The following MYT1L variants were observed in gnomAD, a reference collection of about 807,000 sequenced individuals.
MYT1L encodes the protein myelin transcription factor 1 like, also known as myelin transcription factor 1-like protein.
A neutral mutation model predicts 126.7 loss-of-function variants in MYT1L; 12 were observed. The observed-to-expected ratio is 0.09, with a 90% confidence interval of 0.06 to 0.15. The LOEUF (loss-of-function observed/expected upper bound fraction) is 0.15, where lower values mean the gene tolerates loss of function less well. MYT1L is among the 10% of genes least tolerant of loss of function. The pLI, the probability that MYT1L is intolerant of heterozygous loss-of-function variation, is 1.00. For synonymous variants in MYT1L, 541 were observed against 604.2 expected, an observed-to-expected ratio of 0.90 and a Z score of 1.53; for missense variants, 979 against 1,585.2, an observed-to-expected ratio of 0.62 and a Z score of 6.49.
chr2:2,015,495 G>T (rs1453172618), intron 4 of MYT1L, among the ~76,000 whole-genome samples: 2 of 152,174 alleles, frequency 1.3e-5, no homozygotes, highest in African/African-American at 4.8e-5. Context: ...TGTGAAACAG[G>T]ATCCTAAAAG....
At chr2:2,264,135 C>T (rs1559495273) in intron 2 of MYT1L, among the ~76,000 whole-genome samples, 1 of 152,132 alleles carries the variant, frequency 6.6e-6, no homozygotes, top group East Asian at 1.9e-4. Context: ...AGCCCAAGTT[C>T]CTTCCAGCAC....
intron 19 of MYT1L, chr2:1,842,430 G>T (rs1261301451): frequency 6.6e-6 from 1 of 152,312 alleles, no homozygotes; most frequent in African/African-American, 2.4e-5. Flanking sequence ...AGCCAGCGGG[G>T]AATCCTCCTG....
chr2:1,839,415 C>T lies in MYT1L; in HGVS notation c.2859-45G>A, dbSNP rs757246743. 1.2e-4 allele frequency: 188 copies of T among 1,533,762 alleles called. 1 individual carries two copies. The highest frequency in any genetic ancestry group is 1.6e-4 in the Non-Finnish European group (180 of 1,117,704). On this transcript the variant is annotated intron_variant, in intron 20 of 24. Transcript: ENST00000647738. ...ACACACTTTATTGTCTGGCCACCGT[C>T]GCCTGGTGGCTTCTGTAACAAAGTC...
chr2:1,856,539 G>A lies in MYT1L; in HGVS notation c.2712-4836C>T, dbSNP rs1410449977. Among the ~76,000 whole-genome samples, 11 of 152,158 alleles carry A rather than the reference G, an allele frequency of 7.2e-5. No homozygotes were observed. The East Asian group carries it at 1.3e-3, about 19-fold the overall frequency. On this transcript the variant is annotated intron_variant, in intron 18 of 24. Coordinates refer to ENST00000647738, the MANE Select transcript of MYT1L (RefSeq NM_001303052.2). ...CCAGGACATAAACCCATTGCTGTGCGGATTCCCTCCCATTTACAAAACCAT... is the reference window on the plus strand; with the variant it reads ...CCAGGACATAAACCCATTGCTGTGCAGATTCCCTCCCATTTACAAAACCAT...
chr2:1,895,236 G>C (rs1326973928), intron 14 of MYT1L, among the ~76,000 whole-genome samples: 1 of 152,222 alleles, frequency 6.6e-6, no homozygotes, highest in Non-Finnish European at 1.5e-5. Flanking sequence ...AATGTCTCAT[G>C]TTCATGAATT....
chr2:2,210,830 T>C (rs540449395), intron 2 of MYT1L, among the ~76,000 whole-genome samples: 1 of 152,366 alleles, frequency 6.6e-6, no homozygotes, highest in Admixed American at 6.5e-5. Context: ...TATGGACGTT[T>C]TAACAATATT....
chr2:2,175,700 C>T (rs1205374953), intron 2 of MYT1L, among the ~76,000 whole-genome samples: 1 of 152,226 alleles, frequency 6.6e-6, no homozygotes, highest in Non-Finnish European at 1.5e-5. Context: ...TGCCTCGATA[C>T]TGTCTGAACA....
At chr2:2,032,080 G>A (rs1423244486) in intron 4 of MYT1L, among the ~76,000 whole-genome samples, 1 of 135,262 alleles carries the variant, frequency 7.4e-6, no homozygotes, top group Non-Finnish European at 1.6e-5. Context: ...ATTCTAGAAG[G>A]AGGGCCTTAC....
At chr2:2,045,237 G>A (rs1404453750) in intron 4 of MYT1L, among the ~76,000 whole-genome samples, 1 of 152,234 alleles carries the variant, frequency 6.6e-6, no homozygotes, top group Admixed American at 6.5e-5. Flanking sequence ...CCCATGAAAT[G>A]ACAAGGATAT....
chr2:1,808,818 G>T (rs544486552), intron 22 of MYT1L, among the ~76,000 whole-genome samples: 2 of 152,194 alleles, frequency 1.3e-5, no homozygotes, highest in African/African-American at 4.8e-5. Flanking sequence ...GGAGTAAATC[G>T]TCCAGTGCTG....
intron 18 of MYT1L, among the ~76,000 whole-genome samples, chr2:1,864,671 G>C (rs998111966): frequency 6.6e-6 from 1 of 152,196 alleles, no homozygotes; most frequent in Non-Finnish European, 1.5e-5. Flanking sequence ...TGGGAGGCAC[G>C]GGTGCCCCTC....
chr2:1,946,086 T>C (rs2057191350), intron 8 of MYT1L, among the ~76,000 whole-genome samples: 1 of 152,110 alleles, frequency 6.6e-6, no homozygotes, highest in Non-Finnish European at 1.5e-5. Context: ...CTGCCTCCTG[T>C]CAGATCAGCA....
At chr2:2,284,056 A>G (rs960983444) in intron 2 of MYT1L, among the ~76,000 whole-genome samples, 4 of 152,260 alleles carry the variant, frequency 2.6e-5, no homozygotes, top group Non-Finnish European at 5.9e-5. Context: ...CCACGTAAGT[A>G]TAACAAGAAG....
rs1055120713 is a variant in MYT1L at position 1,930,917 on chromosome 2, C to A, written c.506-7654G>T. ...GGATGTTTGTTTTAACAAAGAAAAGCAGAAATACTACATCTTAGTAACCAT... is the reference window on the plus strand; with the variant it reads ...GGATGTTTGTTTTAACAAAGAAAAGAAGAAATACTACATCTTAGTAACCAT... On this transcript the variant is annotated intron_variant, in intron 9 of 24. Coordinates refer to ENST00000647738, the MANE Select transcript of MYT1L (RefSeq NM_001303052.2). Among the ~76,000 whole-genome samples the A allele has an allele frequency of 2.0e-5, 3 of 152,174 alleles. No homozygotes were observed. In the East Asian group the frequency reaches 5.8e-4, roughly 29 times the overall value.
chr2:2,060,491 T>C (rs2070258500), intron 3 of MYT1L, among the ~76,000 whole-genome samples: 1 of 152,204 alleles, frequency 6.6e-6, no homozygotes, highest in South Asian at 2.1e-4. Flanking sequence ...TGTTTAGTTA[T>C]TTAGACAGAT....
chr2:1,815,494 C>T (rs2037479472), intron 21 of MYT1L, among the ~76,000 whole-genome samples: 1 of 152,234 alleles, frequency 6.6e-6, no homozygotes, highest in African/African-American at 2.4e-5. Context: ...CGGTTCCTGC[C>T]TGGGAAACCA....
intron 21 of MYT1L, among the ~76,000 whole-genome samples, chr2:1,837,343 C>A (rs986078468): frequency 4.6e-5 from 7 of 152,156 alleles, no homozygotes; most frequent in African/African-American, 1.7e-4. Flanking sequence ...AAATTGTTTT[C>A]GTTTGTGTCA....
intron 21 of MYT1L, among the ~76,000 whole-genome samples, chr2:1,833,348 T>C (rs1481485366): frequency 6.6e-6 from 1 of 151,978 alleles, no homozygotes; most frequent in Non-Finnish European, 1.5e-5. Flanking sequence ...CCTTAGCACC[T>C]GTCCAGAACG....
intron 3 of MYT1L, among the ~76,000 whole-genome samples, chr2:2,062,909 C>G (rs1431721011): frequency 1.3e-5 from 2 of 151,916 alleles, no homozygotes; most frequent in Non-Finnish European, 2.9e-5. Flanking sequence ...TATCCTTCAG[C>G]TTTTCAAGGG....
Sources: gnomAD v4.1 joint callset for allele counts (sites outside exome capture counted in the v4.1 genomes callset) on GRCh38, gnomAD v4.1.1 for gene constraint, MANE v1.5 for transcripts, NCBI Gene and HGNC (gene_info 2026-07-23, HGNC 2026-07-21) for gene names.